The following HECTD4 variants were observed in gnomAD, a reference collection of about 807,000 sequenced individuals.
HECTD4 encodes the protein probable E3 ubiquitin-protein ligase HECTD4.
Under a neutral mutation model 471.5 loss-of-function variants are expected in HECTD4, and 114 were observed. That is an observed-to-expected ratio of 0.24 (90% CI 0.21 to 0.28). The LOEUF is 0.28. Ranked by LOEUF, HECTD4 falls within the 10% of genes least tolerant of loss-of-function variation. The pLI is 1.00. For synonymous variants in HECTD4, 2,012 were observed against 2,256.0 expected, an observed-to-expected ratio of 0.89 and a Z score of 3.07; for missense variants, 3,866 against 5,651.5, an observed-to-expected ratio of 0.68 and a Z score of 10.13.
chr12:112,200,186 C>T (rs945748023), intron 55 of HECTD4, among the ~76,000 whole-genome samples: 7 of 151,206 alleles, frequency 4.6e-5, no homozygotes, highest in African/African-American at 7.3e-5. Flanking sequence ...CGGAGTCTCC[C>T]TTTGTCACCC....
chr12:112,308,426 C>CA (rs1403324518), intron 6 of HECTD4, among the ~76,000 whole-genome samples: 1 of 56,130 alleles, frequency 1.8e-5, no homozygotes, highest in Non-Finnish European at 3.6e-5. Flanking sequence ...AGATCTGGTT[C>CA]AAAAAAAGCA....
rs1457858033 is a variant in HECTD4, at chr12:112,313,008, T to C, written c.916+9A>G. On this transcript the variant is annotated intron_variant, in intron 4 of 75. Transcript: ENST00000682272. ...ACTATTAATCACAGGACAAAAACTT[T>C]TACATTACCTTTATTTTCAGAACTG... 2 of 1,534,518 alleles carry C rather than the reference T, an allele frequency of 1.3e-6. No homozygotes were observed. The highest frequency in any genetic ancestry group is 1.7e-6 in the Non-Finnish European group (2 of 1,146,386).
intron 46 of HECTD4, 53 bp from the exon 47 acceptor site, chr12:112,216,974 G>A: frequency 6.3e-7 from 1 of 1,597,644 alleles, no homozygotes; most frequent in Admixed American, 1.7e-5. Flanking sequence ...CTGGGCCTGA[G>A]ACCTGCTTTT....
At chr12:112,236,912 T>G in intron 35 of HECTD4, 33 bp downstream of exon 35, 1 of 1,502,580 alleles carries the variant, frequency 6.7e-7, no homozygotes, top group Non-Finnish European at 8.9e-7. Flanking sequence ...GAAAGCCAGC[T>G]TCTCCCAGAG....
chr12:112,298,889 A>T (rs2035101520), intron 7 of HECTD4, among the ~76,000 whole-genome samples: 1 of 151,834 alleles, frequency 6.6e-6, no homozygotes, highest in Non-Finnish European at 1.5e-5. Flanking sequence ...CTCAAAAAAA[A>T]AAAAAAAACA....
At chr12:112,312,679 C>A (rs1378775044) in intron 4 of HECTD4, among the ~76,000 whole-genome samples, 2 of 152,114 alleles carry the variant, frequency 1.3e-5, no homozygotes, top group African/African-American at 4.8e-5. Flanking sequence ...AGCAGTAAGA[C>A]CTGATATTCT....
chr12:112,335,484 A>G (rs2035937783), intron 1 of HECTD4, among the ~76,000 whole-genome samples: 1 of 152,124 alleles, frequency 6.6e-6, no homozygotes, highest in Non-Finnish European at 1.5e-5. Context: ...CGAGGTCAGG[A>G]GTTCGAGACC....
chr12:112,274,975 A>C lies in HECTD4; in HGVS notation c.1688-15T>G. Reference sequence around the variant, plus strand: ...GGAGGCTAGGACTTTGGAAACAAACATTAAGCTGTTTAATGAGCCTGAAGA... The same window carrying C: ...GGAGGCTAGGACTTTGGAAACAAACCTTAAGCTGTTTAATGAGCCTGAAGA... On this transcript the variant is annotated splice_polypyrimidine_tract_variant and intron_variant, in intron 9 of 75. Coordinates refer to ENST00000682272, the MANE Select transcript of HECTD4 (RefSeq NM_001388303.1). 1 of 1,431,698 alleles carries C rather than the reference A, an allele frequency of 7.0e-7. No individual in the cohort carries two copies. Among genetic ancestry groups the C allele is most frequent in the Non-Finnish European group, 9.6e-7 (1 of 1,040,394 alleles). 88.7% of individuals were successfully genotyped at this position (1,431,698 alleles called of 1,614,324 possible).
chr12:112,323,926 G>C (rs1457861923), intron 1 of HECTD4, among the ~76,000 whole-genome samples: 4 of 148,678 alleles, frequency 2.7e-5, no homozygotes, highest in Non-Finnish European at 4.5e-5. Flanking sequence ...ATAAAAATTA[G>C]AGGTATTTTT....
chr12:112,179,887 T>C lies in HECTD4; in HGVS notation c.10988-490A>G, dbSNP rs751632484. On this transcript the variant is annotated intron_variant, in intron 62 of 75. Coordinates refer to ENST00000682272, the MANE Select transcript of HECTD4 (RefSeq NM_001388303.1). This position sits in a 1 kb window ranked among gnomAD's most constrained non-coding sequence, Gnocchi z 4.3. The stretch of plus-strand genomic sequence containing the variant: ...ACAACTTGTTAAACAGGTGATCTCA[T>C]TCATAGGAAATATTCTTCAAAACTG... 1.3e-5 allele frequency among the ~76,000 whole-genome samples: 2 copies of C among 152,218 alleles called. No individual in the cohort carries two copies. The highest frequency in any genetic ancestry group is 4.8e-5 in the African/African-American group (2 of 41,446).
chr12:112,196,608 C>CT (rs1314779110), intron 55 of HECTD4, among the ~76,000 whole-genome samples: 1 of 152,060 alleles, frequency 6.6e-6, no homozygotes, highest in Non-Finnish European at 1.5e-5. Flanking sequence ...TTTTCTTGGG[C>CT]TTTTTTGAGA....
chr12:112,246,786 T>C (rs1367699784), intron 29 of HECTD4, 115 bp downstream of exon 29: 1 of 885,330 alleles, frequency 1.1e-6, no homozygotes, highest in Non-Finnish European at 1.6e-6. Context: ...TTGTTTTCCT[T>C]TCTCAGAGTA....
rs367866576 is a variant in HECTD4 at position 112,184,991 on chromosome 12, C to A, written c.9975G>T (p.Ser3325=). The A allele has an allele frequency of 3.7e-6, 6 of 1,611,886 alleles. No individual in the cohort carries two copies. Among genetic ancestry groups the A allele is most frequent in the Non-Finnish European group, 2.5e-6 (3 of 1,179,104 alleles). Residue 3325 remains serine, a synonymous_variant, in exon 61 of 76, where the codon TCG becomes TCT. Coordinates refer to ENST00000682272, the MANE Select transcript of HECTD4 (RefSeq NM_001388303.1). This position sits in a 1 kb window ranked among gnomAD's most constrained non-coding sequence, Gnocchi z 9.1. ...CGGTGCGGGAAGACTGGCGCTTGCCCGACGAGGAGGCCTTTTCCCGCTTCA... is the reference window on the plus strand; with the variant it reads ...CGGTGCGGGAAGACTGGCGCTTGCCAGACGAGGAGGCCTTTTCCCGCTTCA... ...VKMKREKASS[S]GKRQSSRTVD... is the part of the protein sequence containing the mutation.
At chr12:112,262,461 A>T (rs1458283976) in intron 17 of HECTD4, among the ~76,000 whole-genome samples, 1 of 131,108 alleles carries the variant, frequency 7.6e-6, no homozygotes, top group Non-Finnish European at 1.6e-5. Flanking sequence ...GGTTGCAGTG[A>T]GCCGAGATTG....
rs1230949400 is a variant in HECTD4, at chr12:112,308,851, A to T, written c.1066T>A (p.Trp356Arg). Residue 356 changes from tryptophan (W) to arginine (R), a missense_variant, in exon 6 of 76, where the codon TGG becomes AGG. Trp to Arg is a moderately radical substitution (Grantham distance 101). Around this residue, in one of 16 missense-constraint regions of HECTD4, gnomAD observed 440 missense variants for 636.0 expected, o/e 0.69. Transcript: ENST00000682272. The part of the protein sequence containing the change: ...YCRNEELEPG[W>R]VAFGSGSLLH... ...AGACTGCCGCTGCCAAAAGCCACCC[A>T]TCCTGGTTCCAACTCCTCGTTCCGG... 1 of 1,536,108 alleles carries T rather than the reference A, an allele frequency of 6.5e-7. No individual in the cohort carries two copies. Among genetic ancestry groups the T allele is most frequent in the Non-Finnish European group, 8.7e-7 (1 of 1,146,864 alleles).
intron 1 of HECTD4, among the ~76,000 whole-genome samples, chr12:112,363,169 C>T (rs769397250): frequency 2.6e-5 from 4 of 151,858 alleles, no homozygotes; most frequent in African/African-American, 9.7e-5. Context: ...GTAACAGTTC[C>T]ATTCTTTTTT....
intron 62 of HECTD4, 71 bp downstream of exon 62, chr12:112,182,988 C>T: frequency 2.7e-6 from 3 of 1,108,938 alleles, no homozygotes; most frequent in Non-Finnish European, 4.0e-6. Context: ...GATTTTAATG[C>T]AGATTTTTTT....
At chr12:112,324,098 C>A (rs2035689283) in intron 1 of HECTD4, among the ~76,000 whole-genome samples, 2 of 81,540 alleles carry the variant, frequency 2.5e-5, no homozygotes, top group Non-Finnish European at 2.0e-5. Context: ...TTCTTTCTTT[C>A]TTTCCTCTCT....
intron 1 of HECTD4, among the ~76,000 whole-genome samples, chr12:112,366,457 T>C (rs1352852909): frequency 6.6e-6 from 1 of 152,000 alleles, no homozygotes; most frequent in Non-Finnish European, 1.5e-5. Flanking sequence ...GAAATTGAGG[T>C]GGCAGTGAGC....
Sources: allele counts gnomAD v4.1 joint callset (sites outside exome capture counted in the v4.1 genomes callset), GRCh38; gene constraint gnomAD v4.1.1; regional missense constraint gnomAD v4.1.1; non-coding constraint Gnocchi (gnomAD v3.1); transcripts MANE v1.5; gene names NCBI Gene and HGNC (gene_info 2026-07-23, HGNC 2026-07-21).